The following NPAS3 variants were observed in gnomAD, a reference collection of about 807,000 sequenced individuals.
The protein encoded by NPAS3 is neuronal PAS domain protein 3, also known as neuronal PAS domain-containing protein 3.
A neutral mutation model predicts 73.1 loss-of-function variants in NPAS3; 14 were observed. That is an observed-to-expected ratio of 0.19 (90% CI 0.13 to 0.30). NPAS3 has a LOEUF of 0.30. Ranked by LOEUF, NPAS3 falls within the 10% of genes least tolerant of loss-of-function variation. NPAS3 has a pLI of 1.00. For missense variants in NPAS3, 1,096 were observed against 1,250.0 expected, an observed-to-expected ratio of 0.88 and a Z score of 1.86; for synonymous variants, 620 against 541.5, an observed-to-expected ratio of 1.14 and a Z score of -2.01.
intron 3 of NPAS3, among the ~76,000 whole-genome samples, chr14:33,236,090 G>C (rs1390652597): frequency 6.6e-6 from 1 of 151,726 alleles, no homozygotes. Flanking sequence ...CCAGCCCCAG[G>C]GTTCAAAGTG....
At position 33,639,664 on chromosome 14, in the gene NPAS3, A is replaced by G. The variant is rs141499090; in HGVS notation, c.559-36547A>G. Among the ~76,000 whole-genome samples the G allele has an allele frequency of 7.9e-5, 12 of 152,328 alleles. No individual in the cohort carries two copies. In the East Asian group the frequency reaches 2.3e-3, roughly 29 times the overall value. On this transcript the variant is annotated intron_variant, in intron 5 of 11. Transcript: ENST00000356141. Reference sequence around the variant, plus strand: ...ATTGCCCTGCCACTACATCTTCTCCATCAGCAACCAGATTAGTGTTGGAGC... The same window carrying G: ...ATTGCCCTGCCACTACATCTTCTCCGTCAGCAACCAGATTAGTGTTGGAGC...
chr14:33,135,078 A>G (rs987592886), intron 2 of NPAS3, among the ~76,000 whole-genome samples: 15 of 152,312 alleles, frequency 9.8e-5, no homozygotes, highest in African/African-American at 3.6e-4. Context: ...CACTTGAAAA[A>G]TATAACTATC....
chr14:33,620,302 G>C (rs935067306), intron 5 of NPAS3, among the ~76,000 whole-genome samples: 3 of 152,262 alleles, frequency 2.0e-5, no homozygotes, highest in African/African-American at 4.8e-5. Flanking sequence ...AGGTACTTCT[G>C]TCTCTGTTCC....
chr14:33,598,525 C>T (rs1468322472), intron 5 of NPAS3, among the ~76,000 whole-genome samples: 3 of 152,186 alleles, frequency 2.0e-5, no homozygotes, highest in Non-Finnish European at 2.9e-5. Context: ...GAAGAAAATG[C>T]TGTGAATTCA....
intron 4 of NPAS3, among the ~76,000 whole-genome samples, chr14:33,377,836 A>G (rs1470327799): frequency 1.3e-5 from 2 of 152,210 alleles, no homozygotes; most frequent in Admixed American, 6.5e-5. Context: ...GAAAAGTGAA[A>G]CAGTAATCTG....
chr14:32,977,713 C>G (rs2037745711), intron 1 of NPAS3, among the ~76,000 whole-genome samples: 1 of 151,670 alleles, frequency 6.6e-6, no homozygotes, highest in Non-Finnish European at 1.5e-5. Context: ...GCCTGGGTGA[C>G]AGCAAGACAC....
At chr14:33,021,887 T>C (rs2138265972) in intron 1 of NPAS3, among the ~76,000 whole-genome samples, 1 of 152,296 alleles carries the variant, frequency 6.6e-6, no homozygotes, top group African/African-American at 2.4e-5. Flanking sequence ...CGAACACGTA[T>C]TTTATACATG....
intron 1 of NPAS3, among the ~76,000 whole-genome samples, chr14:33,029,555 T>A (rs2138332450): frequency 6.6e-6 from 1 of 152,292 alleles, no homozygotes. Flanking sequence ...GTATTATTCA[T>A]TATTTATCAC....
At chr14:33,624,880 CAT>C (rs1389318446) in intron 5 of NPAS3, among the ~76,000 whole-genome samples, 2 of 152,094 alleles carry the variant, frequency 1.3e-5, no homozygotes, top group Non-Finnish European at 2.9e-5. Flanking sequence ...CTACTCCTTA[CAT>C]GTGTGTGTGC....
chr14:33,215,455 A>G, intron 3 of NPAS3, 29 bp downstream of exon 3: 1 of 1,612,862 alleles, frequency 6.2e-7, no homozygotes, highest in Non-Finnish European at 8.5e-7. Context: ...TTCAGTCTGA[A>G]TATGATGGTC....
chr14:33,086,182 C>T (rs534178778), intron 2 of NPAS3, among the ~76,000 whole-genome samples: 6 of 152,112 alleles, frequency 3.9e-5, no homozygotes, highest in South Asian at 4.2e-4. Flanking sequence ...TAGTTGACTG[C>T]GTAAGTTAAA....
At chr14:33,794,575 G>A (rs964517935) in intron 10 of NPAS3, among the ~76,000 whole-genome samples, 6 of 150,876 alleles carry the variant, frequency 4.0e-5, no homozygotes, top group African/African-American at 1.2e-4. Flanking sequence ...TTGCTTTGCC[G>A]GAATCAAACA....
chr14:33,274,952 A>G (rs2041260066), intron 3 of NPAS3, among the ~76,000 whole-genome samples: 1 of 152,358 alleles, frequency 6.6e-6, no homozygotes, highest in South Asian at 2.1e-4. Flanking sequence ...TTTAAGTCAT[A>G]GATGCACGAT....
chr14:33,794,759 G>A (rs1175241838), intron 10 of NPAS3, among the ~76,000 whole-genome samples: 2 of 152,028 alleles, frequency 1.3e-5, no homozygotes, highest in Non-Finnish European at 2.9e-5. Context: ...CCCCTTCCCA[G>A]TCTACATTCT....
intron 2 of NPAS3, among the ~76,000 whole-genome samples, chr14:33,135,821 C>G (rs998970823): frequency 6.6e-5 from 10 of 152,288 alleles, no homozygotes; most frequent in African/African-American, 2.4e-4. Context: ...CCAGTTCCAG[C>G]AGCCAATGCT....
At chr14:33,600,860 A>G (rs1595248782) in intron 5 of NPAS3, among the ~76,000 whole-genome samples, 1 of 152,360 alleles carries the variant, frequency 6.6e-6, no homozygotes, top group African/African-American at 2.4e-5. Flanking sequence ...GGAAAAGAGC[A>G]ATGAAGGCTG....
intron 3 of NPAS3, among the ~76,000 whole-genome samples, chr14:33,231,633 A>T (rs1432636888): frequency 6.6e-6 from 1 of 152,182 alleles, no homozygotes; most frequent in African/African-American, 2.4e-5. Flanking sequence ...AATTGGGTAG[A>T]AAAACATGCA....
chr14:33,499,237 G>A (rs984557429), intron 4 of NPAS3, among the ~76,000 whole-genome samples: 1 of 151,808 alleles, frequency 6.6e-6, no homozygotes, highest in East Asian at 1.9e-4. Flanking sequence ...CTCAGAGACT[G>A]TTGGGAACCT....
intron 6 of NPAS3, among the ~76,000 whole-genome samples, chr14:33,717,999 G>T (rs915485847): frequency 6.8e-5 from 10 of 147,172 alleles, no homozygotes; most frequent in Non-Finnish European, 1.2e-4. Context: ...TTTGTAATGG[G>T]TTTTTTTTTT....
Sources: allele counts gnomAD v4.1 joint callset (sites outside exome capture counted in the v4.1 genomes callset), GRCh38; gene constraint gnomAD v4.1.1; transcripts MANE v1.5; gene names NCBI Gene and HGNC (gene_info 2026-07-23, HGNC 2026-07-21).